FRMPD4: variants seen among roughly 807,000 people sequenced by gnomAD.
The protein encoded by FRMPD4 is FERM and PDZ domain-containing protein 4.
A neutral mutation model predicts 94.1 loss-of-function variants in FRMPD4; 22 were observed. The observed-to-expected ratio is 0.23, with a 90% CI of 0.17 to 0.33. The LOEUF (loss-of-function observed/expected upper bound fraction) is 0.33, where lower values mean the gene tolerates loss of function less well. Ranked by LOEUF, FRMPD4 falls within the 10% of genes least tolerant of loss-of-function variation. The pLI is 1.00. For missense variants in FRMPD4, 1,111 were observed against 1,339.9 expected (o/e 0.83, Z 2.67); for synonymous variants, 631 against 548.6 (o/e 1.15, Z -2.10).
intron 2 of FRMPD4, among the ~76,000 whole-genome samples, chrX:12,558,228 T>G (rs761410306): frequency 8.9e-6 from 1 of 112,844 alleles, no homozygotes; most frequent in Non-Finnish European, 1.9e-5. Context: ...ACTGTACGTG[T>G]TTCATTTGAT....
chrX:12,362,356 C>T (rs968048188), intron 1 of FRMPD4, among the ~76,000 whole-genome samples: 24 of 110,638 alleles, frequency 2.2e-4, no homozygotes, highest in Non-Finnish European at 4.2e-4. Flanking sequence ...TCCCTCCCCC[C>T]TCCTCCCACT....
chrX:12,406,216 G>A (rs1463929824), intron 1 of FRMPD4, among the ~76,000 whole-genome samples: 1 of 111,244 alleles, frequency 9.0e-6, no homozygotes, highest in Non-Finnish European at 1.9e-5. Context: ...AATGTCAATA[G>A]CACTGAGGTT....
At chrX:11,905,497 A>G (rs1334096734) in intron 3 of FRMPD4, among the ~76,000 whole-genome samples, 1 of 111,751 alleles carries the variant, frequency 8.9e-6, no homozygotes, top group Non-Finnish European at 1.9e-5. Context: ...TCAACAAGAA[A>G]TCTTCCTATT....
intron 4 of FRMPD4, among the ~76,000 whole-genome samples, chrX:12,658,643 GGCAAA>G (rs973002771): frequency 2.7e-5 from 3 of 111,248 alleles, no homozygotes; most frequent in African/African-American, 9.8e-5. Flanking sequence ...GTTCATCCAT[GGCAAA>G]GTGTTTAAGA....
chrX:12,332,383 G>A (rs1016590984), intron 1 of FRMPD4, among the ~76,000 whole-genome samples: 7 of 107,807 alleles, frequency 6.5e-5, no homozygotes, highest in African/African-American at 2.3e-4. Flanking sequence ...AAAGTTTAAT[G>A]CTTCATGCTG....
intron 1 of FRMPD4, among the ~76,000 whole-genome samples, chrX:12,229,783 A>T (rs753439474): frequency 9.0e-6 from 1 of 111,514 alleles, no homozygotes; most frequent in African/African-American, 3.3e-5. Context: ...CTTCACTAAA[A>T]TCCTGGAACA....
chrX:12,151,554 C>T (rs752199992), intron 1 of FRMPD4, among the ~76,000 whole-genome samples: 2 of 111,655 alleles, frequency 1.8e-5, no homozygotes, highest in Non-Finnish European at 3.8e-5. Context: ...AAGTGGATAC[C>T]TTTATTGTAA....
At chrX:11,855,239 G>A (rs1355808663) in intron 1 of FRMPD4, among the ~76,000 whole-genome samples, 1 of 111,410 alleles carries the variant, frequency 9.0e-6, no homozygotes, top group African/African-American at 3.3e-5. Flanking sequence ...AGAGCAGGGA[G>A]GCCCTGGGCC....
intron 1 of FRMPD4, among the ~76,000 whole-genome samples, chrX:12,439,361 G>C (rs1253523760): frequency 9.0e-6 from 1 of 111,642 alleles, no homozygotes; most frequent in African/African-American, 3.3e-5. Flanking sequence ...AATGATGGCA[G>C]ACTAACACGT....
At chrX:12,341,376 C>G (rs1312367069) in intron 1 of FRMPD4, among the ~76,000 whole-genome samples, 4 of 111,083 alleles carry the variant, frequency 3.6e-5, no homozygotes, top group Non-Finnish European at 7.5e-5. Context: ...GTTACTGATT[C>G]TATTAGAACT....
intron 4 of FRMPD4, among the ~76,000 whole-genome samples, chrX:12,621,966 AAGAGAAAG>A (rs1569369884): frequency 1.6e-5 from 1 of 63,144 alleles, no homozygotes; most frequent in Non-Finnish European, 2.9e-5. Context: ...GAAAGAAAGA[AAGAGAAAG>A]AAAGAAAGAA....
chrX:12,106,346 C>CA (rs1384164652), intron 3 of FRMPD4, among the ~76,000 whole-genome samples: 1 of 111,760 alleles, frequency 8.9e-6, no homozygotes, highest in Non-Finnish European at 1.9e-5. Context: ...CTGCCAGATT[C>CA]ATGAGTTAAT....
intron 1 of FRMPD4, among the ~76,000 whole-genome samples, chrX:12,183,519 A>T (rs935162138): frequency 1.8e-5 from 2 of 111,976 alleles, no homozygotes; most frequent in African/African-American, 6.5e-5. Context: ...AAAAATAGCT[A>T]TTTCAAGGAA....
At chrX:12,090,947 C>T (rs894149397) in intron 3 of FRMPD4, among the ~76,000 whole-genome samples, 2 of 111,898 alleles carry the variant, frequency 1.8e-5, no homozygotes. Flanking sequence ...CTTTGGGAAG[C>T]TTTTTTTATA....
At chrX:12,013,492 C>G in intron 3 of FRMPD4, among the ~76,000 whole-genome samples, 1 of 112,555 alleles carries the variant, frequency 8.9e-6, no homozygotes. Flanking sequence ...AGTCTGCTGA[C>G]TCATGTTTAG....
chrX:12,631,434 G>A (rs923294761), intron 4 of FRMPD4, among the ~76,000 whole-genome samples: 1 of 111,806 alleles, frequency 8.9e-6, no homozygotes, highest in African/African-American at 3.3e-5. Context: ...TGGGGTACAT[G>A]TGCAGAATGT....
intron 5 of FRMPD4, among the ~76,000 whole-genome samples, chrX:12,679,432 T>TG (rs1311376964): frequency 5.4e-5 from 6 of 111,626 alleles, no homozygotes; most frequent in Admixed American, 4.7e-4. Context: ...TTAGAGCCTG[T>TG]GGGCAAATGC....
intron 4 of FRMPD4, among the ~76,000 whole-genome samples, chrX:12,668,597 C>CT (rs61675840): frequency 0.2 from 14,256 of 71,624 alleles, 2,271 homozygotes; most frequent in African/African-American, 0.41. Context: ...ATGGAAACTA[C>CT]TTTTTTTTTT....
chrX:12,669,767 A>T (rs1239911560), intron 4 of FRMPD4, among the ~76,000 whole-genome samples: 1 of 111,986 alleles, frequency 8.9e-6, no homozygotes, highest in East Asian at 2.8e-4. Context: ...GAAGGAAGGG[A>T]CCATGAGCCA....
Sources: gnomAD v4.1 joint callset for allele counts (sites outside exome capture counted in the v4.1 genomes callset) on GRCh38, gnomAD v4.1.1 for gene constraint, MANE v1.5 for transcripts, NCBI Gene and HGNC (gene_info 2026-07-23, HGNC 2026-07-21) for gene names.